RBFOX1: variants seen among roughly 807,000 people sequenced by gnomAD.
RBFOX1 encodes the protein RNA binding protein fox-1 homolog 1.
A neutral mutation model predicts 57.7 loss-of-function variants in RBFOX1; 8 were observed. The observed-to-expected ratio is 0.14, with a 90% CI of 0.08 to 0.25. The LOEUF (loss-of-function observed/expected upper bound fraction) is 0.25. Among genes scored for constraint, RBFOX1 ranks in the 10% least tolerant of loss-of-function variants. The pLI is 1.00. For missense variants in RBFOX1, 611 were observed against 548.5 expected (o/e 1.11, Z -1.14); for synonymous variants, 326 against 222.4 (o/e 1.47, Z -4.15).
At chr16:6,802,934 T>C (rs1204036797) in intron 3 of RBFOX1, among the ~76,000 whole-genome samples, 1 of 152,196 alleles carries the variant, frequency 6.6e-6, no homozygotes, top group African/African-American at 2.4e-5. Context: ...TAAATATTTA[T>C]TGAAGAGGGA....
intron 3 of RBFOX1, among the ~76,000 whole-genome samples, chr16:6,935,868 G>A (rs1421714259): frequency 6.6e-6 from 1 of 152,166 alleles, no homozygotes; most frequent in Non-Finnish European, 1.5e-5. Flanking sequence ...TCCTAGAAAG[G>A]AGGGATGCTA....
chr16:5,522,925 C>G (rs1018691175), intron 2 of RBFOX1, among the ~76,000 whole-genome samples: 1 of 152,132 alleles, frequency 6.6e-6, no homozygotes, highest in Non-Finnish European at 1.5e-5. Context: ...ATCACATTTT[C>G]TATATTCATC....
intron 4 of RBFOX1, among the ~76,000 whole-genome samples, chr16:7,186,278 A>G (rs1261474809): frequency 8.0e-6 from 1 of 124,740 alleles, no homozygotes; most frequent in African/African-American, 3.3e-5. Flanking sequence ...ATAAACATAA[A>G]CATATTTATA....
chr16:6,563,611 A>C (rs1373851604), intron 2 of RBFOX1, among the ~76,000 whole-genome samples: 1 of 152,146 alleles, frequency 6.6e-6, no homozygotes, highest in East Asian at 1.9e-4. Context: ...TGCGAGGCCA[A>C]GGTAGGCAGA....
At chr16:5,391,307 G>T (rs11862708) in intron 1 of RBFOX1, among the ~76,000 whole-genome samples, 66,114 of 150,472 alleles carry the variant, frequency 0.44, 14,845 homozygotes, top group East Asian at 0.74. Flanking sequence ...CAAAGCATCA[G>T]TGGGGTTATG....
chr16:6,115,163 T>A (rs1306322791), intron 1 of RBFOX1, among the ~76,000 whole-genome samples: 1 of 152,204 alleles, frequency 6.6e-6, no homozygotes, highest in African/African-American at 2.4e-5. Flanking sequence ...CACCATTTAC[T>A]AGTTCCTGCC....
intron 4 of RBFOX1, among the ~76,000 whole-genome samples, chr16:7,414,129 C>T (rs1251842785): frequency 6.6e-6 from 1 of 152,220 alleles, no homozygotes; most frequent in Non-Finnish European, 1.5e-5. Context: ...AAGGGGTCTA[C>T]AGACAATCCA....
intron 3 of RBFOX1, among the ~76,000 whole-genome samples, chr16:6,952,649 C>A (rs1299076071): frequency 6.7e-6 from 1 of 150,068 alleles, no homozygotes; most frequent in Non-Finnish European, 1.5e-5. Context: ...CTCCTCCCTC[C>A]AAAAAAAAGA....
intron 2 of RBFOX1, among the ~76,000 whole-genome samples, chr16:6,535,685 A>C (rs1465635687): frequency 6.6e-6 from 1 of 152,176 alleles, no homozygotes; most frequent in Non-Finnish European, 1.5e-5. Context: ...TGACCCATGG[A>C]CATTTTTGAG....
chr16:7,159,303 C>T (rs575286697), intron 4 of RBFOX1, among the ~76,000 whole-genome samples: 69 of 152,266 alleles, frequency 4.5e-4, no homozygotes, highest in African/African-American at 1.6e-3. Context: ...GCCATTGTCA[C>T]TGCGTCATGC....
intron 4 of RBFOX1, among the ~76,000 whole-genome samples, chr16:7,281,991 G>C (rs1231658074): frequency 6.6e-6 from 1 of 152,036 alleles, no homozygotes; most frequent in African/African-American, 2.4e-5. Context: ...TCAGCGTCCG[G>C]AGTAGCTGGG....
intron 3 of RBFOX1, among the ~76,000 whole-genome samples, chr16:6,881,168 A>G (rs1390266418): frequency 6.6e-6 from 1 of 152,180 alleles, no homozygotes; most frequent in Non-Finnish European, 1.5e-5. Context: ...GGCACACAAA[A>G]TGAAACCCAT....
intron 3 of RBFOX1, among the ~76,000 whole-genome samples, chr16:6,862,413 T>G (rs561950369): frequency 1.3e-5 from 2 of 152,216 alleles, no homozygotes; most frequent in African/African-American, 4.8e-5. Flanking sequence ...GAGAGTCAAA[T>G]AAAAATCCTT....
At chr16:6,238,962 C>T (rs2097525587) in intron 1 of RBFOX1, among the ~76,000 whole-genome samples, 1 of 152,062 alleles carries the variant, frequency 6.6e-6, no homozygotes, top group Admixed American at 6.6e-5. Flanking sequence ...ACCATAGTCA[C>T]CCTGTTGTGC....
At chr16:7,471,700 A>T (rs1334560154) in intron 4 of RBFOX1, among the ~76,000 whole-genome samples, 1 of 152,186 alleles carries the variant, frequency 6.6e-6, no homozygotes, top group Non-Finnish European at 1.5e-5. Flanking sequence ...GTGATTTGAA[A>T]TTCTGTCCAT....
intron 2 of RBFOX1, among the ~76,000 whole-genome samples, chr16:6,325,452 A>G (rs890598014): frequency 1.3e-5 from 2 of 152,216 alleles, no homozygotes; most frequent in African/African-American, 4.8e-5. Flanking sequence ...AAATCTTTGT[A>G]TTTATCATTA....
chr16:5,647,629 A>T (rs540290335), intron 3 of RBFOX1, among the ~76,000 whole-genome samples: 1 of 152,100 alleles, frequency 6.6e-6, no homozygotes, highest in Non-Finnish European at 1.5e-5. Flanking sequence ...AGAACAAGAA[A>T]AGAGTAGACC....
intron 4 of RBFOX1, among the ~76,000 whole-genome samples, chr16:5,911,720 C>A (rs867072804): frequency 6.6e-6 from 1 of 152,152 alleles, no homozygotes; most frequent in South Asian, 2.1e-4. Flanking sequence ...AAGGCAGATT[C>A]CGTGTCTGGT....
At chr16:5,937,368 C>G (rs1226727930) in intron 4 of RBFOX1, among the ~76,000 whole-genome samples, 1 of 152,110 alleles carries the variant, frequency 6.6e-6, no homozygotes, top group African/African-American at 2.4e-5. Flanking sequence ...TGCCATTAAG[C>G]AAATGCCATG....
Sources: allele counts gnomAD v4.1 joint callset (sites outside exome capture counted in the v4.1 genomes callset), GRCh38; gene constraint gnomAD v4.1.1; transcripts MANE v1.5; gene names NCBI Gene and HGNC (gene_info 2026-07-23, HGNC 2026-07-21).